CNBD1: variants seen among roughly 807,000 people sequenced by gnomAD.
The protein encoded by CNBD1 is cyclic nucleotide binding domain containing 1.
CNBD1 carries 71 observed loss-of-function variants against 54.4 expected under a neutral mutation model. The ratio of observed to expected loss-of-function variants is 1.30; its 90% CI spans 1.08 to 1.59. The LOEUF (loss-of-function observed/expected upper bound fraction) is 1.59. CNBD1 is among the 40% of genes most tolerant of loss of function. The pLI is 0.00. For missense variants in CNBD1, 659 were observed against 518.0 expected (o/e 1.27, Z -2.64); for synonymous variants, 182 against 170.7 (o/e 1.07, Z -0.51).
At chr8:87,427,173 A>G (rs1808064899) in intron 2 of CNBD1, among the ~76,000 whole-genome samples, 1 of 152,010 alleles carries the variant, frequency 6.6e-6, no homozygotes, top group Admixed American at 6.6e-5. Context: ...CTCAATTCCC[A>G]TTAGGCCATA....
At chr8:86,896,088 GA>G (rs1157065189) in intron 2 of CNBD1, among the ~76,000 whole-genome samples, 2 of 152,068 alleles carry the variant, frequency 1.3e-5, no homozygotes, top group African/African-American at 2.4e-5. Context: ...TATGGCATAA[GA>G]TAGGGGTACA....
intron 2 of CNBD1, among the ~76,000 whole-genome samples, chr8:87,410,692 C>T (rs1586085614): frequency 6.6e-6 from 1 of 152,212 alleles, no homozygotes; most frequent in East Asian, 1.9e-4. Context: ...AGAAGTTCTA[C>T]TGTGGGTAAA....
chr8:87,261,992 A>T (rs1263047280), intron 6 of CNBD1, among the ~76,000 whole-genome samples: 3 of 151,656 alleles, frequency 2.0e-5, no homozygotes, highest in Admixed American at 2.0e-4. Flanking sequence ...CAAAAAAAAA[A>T]AAAATACAAA....
At chr8:87,376,033 GATT>G (rs1401011908) in intron 10 of CNBD1, among the ~76,000 whole-genome samples, 1 of 151,752 alleles carries the variant, frequency 6.6e-6, no homozygotes, top group Non-Finnish European at 1.5e-5. Flanking sequence ...CAATATGAAG[GATT>G]ATAACATCAA....
intron 8 of CNBD1, among the ~76,000 whole-genome samples, chr8:87,351,173 G>A (rs556339096): frequency 1.5e-4 from 23 of 152,272 alleles, no homozygotes; most frequent in African/African-American, 3.8e-4. Flanking sequence ...AGGAAGTAGC[G>A]GAGTAGGTTC....
At chr8:86,928,757 G>T (rs770192122) in intron 3 of CNBD1, among the ~76,000 whole-genome samples, 1 of 152,148 alleles carries the variant, frequency 6.6e-6, no homozygotes, top group African/African-American at 2.4e-5. Flanking sequence ...AGGGATTATT[G>T]TTTTGGCACA....
chr8:87,337,321 T>C (rs562873498), intron 8 of CNBD1, among the ~76,000 whole-genome samples: 82 of 152,124 alleles, frequency 5.4e-4, no homozygotes, highest in African/African-American at 1.8e-3. Flanking sequence ...AGTCTGCTGG[T>C]TTGTGGGGAC....
intron 4 of CNBD1, among the ~76,000 whole-genome samples, chr8:87,176,577 C>T (rs1036988385): frequency 2.0e-5 from 3 of 151,372 alleles, no homozygotes; most frequent in South Asian, 2.1e-4. Flanking sequence ...CTCTGCCTCC[C>T]GGGTTCAAGC....
chr8:86,946,124 C>A (rs1563832296), intron 4 of CNBD1, among the ~76,000 whole-genome samples: 1 of 152,166 alleles, frequency 6.6e-6, no homozygotes, highest in Non-Finnish European at 1.5e-5. Flanking sequence ...ATGTTACATA[C>A]TGTGATTGCT....
intron 1 of CNBD1, 47 bp downstream of exon 1, chr8:86,866,630 C>A (rs1305553053): frequency 1.4e-6 from 2 of 1,420,744 alleles, no homozygotes; most frequent in Non-Finnish European, 2.0e-6. Context: ...CCATTGTTTT[C>A]AGCGGTTCTT....
At chr8:87,095,140 C>T (rs548772388) in intron 4 of CNBD1, among the ~76,000 whole-genome samples, 2 of 152,190 alleles carry the variant, frequency 1.3e-5, no homozygotes, top group Non-Finnish European at 2.9e-5. Flanking sequence ...AAGTGTGAAA[C>T]CTTCAGATTA....
At chr8:87,203,639 A>G (rs1310360481) in intron 4 of CNBD1, among the ~76,000 whole-genome samples, 2 of 152,174 alleles carry the variant, frequency 1.3e-5, no homozygotes, top group African/African-American at 4.8e-5. Flanking sequence ...CAACACATAT[A>G]TTAACTCTTT....
At chr8:87,293,139 AT>A (rs1280398455) in intron 8 of CNBD1, among the ~76,000 whole-genome samples, 1 of 152,182 alleles carries the variant, frequency 6.6e-6, no homozygotes, top group Non-Finnish European at 1.5e-5. Flanking sequence ...TCAAAAATAA[AT>A]TTTTTTCATA....
chr8:87,132,802 T>TATAC (rs1339745078), intron 4 of CNBD1, among the ~76,000 whole-genome samples: 2 of 146,204 alleles, frequency 1.4e-5, no homozygotes, highest in African/African-American at 5.2e-5. Flanking sequence ...TATGTGTATA[T>TATAC]ATATACATAT....
chr8:87,276,814 A>G (rs1156555366), intron 6 of CNBD1, among the ~76,000 whole-genome samples: 1 of 150,062 alleles, frequency 6.7e-6, no homozygotes, highest in Non-Finnish European at 1.5e-5. Context: ...ACAGCTTGCA[A>G]GCATCATAAG....
At chr8:87,296,651 C>G (rs13265880) in intron 8 of CNBD1, among the ~76,000 whole-genome samples, 2 of 150,770 alleles carry the variant, frequency 1.3e-5, no homozygotes, top group African/African-American at 2.4e-5. Context: ...GTGTGTGTGT[C>G]TATATAATTT....
chr8:87,327,770 G>A (rs996244485), intron 8 of CNBD1, among the ~76,000 whole-genome samples: 5 of 152,218 alleles, frequency 3.3e-5, no homozygotes, highest in Admixed American at 6.5e-5. Context: ...CTTCTGCGTC[G>A]CTCACGCTGG....
intron 5 of CNBD1, among the ~76,000 whole-genome samples, chr8:87,210,013 G>C (rs924901580): frequency 6.6e-6 from 1 of 152,092 alleles, no homozygotes; most frequent in Admixed American, 6.5e-5. Context: ...GTTTTATAAG[G>C]TGCTCTTCCC....
intron 5 of CNBD1, among the ~76,000 whole-genome samples, chr8:87,225,406 T>C (rs1814458808): frequency 1.3e-5 from 2 of 152,146 alleles, no homozygotes; most frequent in African/African-American, 2.4e-5. Flanking sequence ...TATTTTGAAA[T>C]ATGTCCCATC....
Sources: allele counts gnomAD v4.1 joint callset (sites outside exome capture counted in the v4.1 genomes callset), GRCh38; gene constraint gnomAD v4.1.1; transcripts MANE v1.5; gene names NCBI Gene and HGNC (gene_info 2026-07-23, HGNC 2026-07-21).